The following OPA1 variants were observed in gnomAD, a reference collection of about 807,000 sequenced individuals.
OPA1 encodes OPA1 mitochondrial dynamin like GTPase, also known as dynamin-like GTPase OPA1, mitochondrial.
A neutral mutation model predicts 152.9 loss-of-function variants in OPA1; 59 were observed. That is an observed-to-expected ratio of 0.39 (90% CI 0.31 to 0.48). The LOEUF (loss-of-function observed/expected upper bound fraction) is 0.48, where lower values mean the gene tolerates loss of function less well. Ranked by LOEUF, OPA1 falls within the 20% of genes least tolerant of loss-of-function variation. OPA1 has a pLI of 0.96. For synonymous variants in OPA1, 400 were observed against 389.9 expected (o/e 1.03, Z -0.31); for missense variants, 1,008 against 1,216.8 (o/e 0.83, Z 2.55).
At position 193,643,052 on chromosome 3, in the gene OPA1, A is replaced by G. The variant is rs1734018739; in HGVS notation, c.1305+3A>G. 1.2e-6 allele frequency: 2 copies of G among 1,608,550 alleles called. No homozygotes were observed. Among genetic ancestry groups the G allele is most frequent in the Non-Finnish European group, 1.7e-6 (2 of 1,175,050 alleles). On this transcript the variant is annotated splice_donor_region_variant and intron_variant, in intron 13 of 30. Coordinates refer to ENST00000361510, the MANE Select transcript of OPA1 (RefSeq NM_130837.3). ...AAGGCTGTACCGTTAGCCCTGAGGTAAGGGTTGCAATTCATTTCAGTGACG... is the reference window on the plus strand; with the variant it reads ...AAGGCTGTACCGTTAGCCCTGAGGTGAGGGTTGCAATTCATTTCAGTGACG...
intron 1 of OPA1, among the ~76,000 whole-genome samples, chr3:193,595,316 A>G (rs1229494661): frequency 6.6e-6 from 1 of 152,250 alleles, no homozygotes; most frequent in African/African-American, 2.4e-5. Context: ...CAATACTAAC[A>G]TTTGGGTGCA....
In OPA1 at chr3:193,657,176, G is replaced by A. The variant is rs1285173467; in HGVS notation, c.2275G>A (p.Val759Ile). The A allele has an allele frequency of 4.3e-6, 7 of 1,613,804 alleles. No homozygotes were observed. The highest frequency in any genetic ancestry group is 2.7e-5 in the African/African-American group (2 of 74,916). The change falls in exon 23 of 31, where the codon GTT becomes ATT. Residue 759 changes from valine to isoleucine, a missense_variant. Physicochemically the swap from Val to Ile is conservative, Grantham distance 29. Transcript: ENST00000361510. ...CATATTTGATAAACTTAAAGAGGCT[G>A]TTAAGGAAGAAAGTATTAAACGACA... ...DDIFDKLKEA[V>I]KEESIKRHKW...
intron 1 of OPA1, among the ~76,000 whole-genome samples, chr3:193,595,136 T>C (rs981983493): frequency 6.6e-6 from 1 of 152,206 alleles, no homozygotes; most frequent in African/African-American, 2.4e-5. Context: ...CCTAAAGAAG[T>C]AGAGATGTGG....
At chr3:193,594,620 T>C (rs949982677) in intron 1 of OPA1, among the ~76,000 whole-genome samples, 1 of 152,184 alleles carries the variant, frequency 6.6e-6, no homozygotes, top group Non-Finnish European at 1.5e-5. Context: ...ACTCCTGACC[T>C]CATGTGATCC....
chr3:193,595,248 A>G (rs1473186115), intron 1 of OPA1, among the ~76,000 whole-genome samples: 2 of 152,264 alleles, frequency 1.3e-5, no homozygotes, highest in African/African-American at 2.4e-5. Flanking sequence ...AGATGAGAGC[A>G]TAAGCATTTC....
intron 21 of OPA1, among the ~76,000 whole-genome samples, chr3:193,653,185 T>C (rs945008822): frequency 6.6e-6 from 1 of 152,216 alleles, no homozygotes; most frequent in Non-Finnish European, 1.5e-5. Flanking sequence ...CTTTGTCCTT[T>C]TGGGCCCCAG....
chr3:193,657,111 C>T lies in OPA1; in HGVS notation c.2210C>T (p.Ser737Phe). Residue 737 changes from serine (S) to phenylalanine (F), a missense_variant, in exon 23 of 31, where the codon TCC becomes TTC. Coordinates refer to ENST00000361510, the MANE Select transcript of OPA1 (RefSeq NM_130837.3). ...TGGGAGACCCTACAAGAAGAATTTT[C>T]CCGCTTTATGACAGAACCGAAAGGG... is the stretch of plus-strand genomic sequence containing the variant. ...VAWETLQEEFSRFMTEPKGKE... is the reference protein window; with the variant it reads ...VAWETLQEEFFRFMTEPKGKE... 2 of 1,613,294 alleles carry T rather than the reference C, an allele frequency of 1.2e-6. No homozygotes were observed. The highest frequency in any genetic ancestry group is 2.2e-5 in the East Asian group (1 of 44,848).
Position 193,695,647 on chromosome 3 carries a change from A to G in OPA1, c.*1047A>G. Reference sequence around the variant, plus strand: ...ATGTGTTTTAAATAAATATTTTTTAATTGGCTAAAGGACATTCAAGCAAAG... The same window carrying G: ...ATGTGTTTTAAATAAATATTTTTTAGTTGGCTAAAGGACATTCAAGCAAAG... On this transcript the variant is annotated 3_prime_UTR_variant, in exon 31 of 31. Transcript: ENST00000361510. 1 of 152,182 alleles carries G rather than the reference A, an allele frequency of 6.6e-6. No homozygotes were observed. The highest frequency in any genetic ancestry group is 1.9e-4 in the East Asian group (1 of 5,200). The allele number at this position is 152,182 out of a possible 1,614,324, so 9.4% of individuals were successfully genotyped here. A position where few individuals can be genotyped will look rare whatever the true frequency, so the allele number is the denominator to read the frequency against.
chr3:193,638,316 A>G (rs997263147), intron 11 of OPA1, among the ~76,000 whole-genome samples: 9 of 152,216 alleles, frequency 5.9e-5, no homozygotes, highest in African/African-American at 1.9e-4. Context: ...TATTCTGAAT[A>G]AGATAAGAGA....
At chr3:193,661,948 T>C (rs1285871801) in intron 25 of OPA1, among the ~76,000 whole-genome samples, 3 of 152,242 alleles carry the variant, frequency 2.0e-5, no homozygotes, top group Non-Finnish European at 4.4e-5. Context: ...CATTTACAAG[T>C]TAATTGTTTG....
At chr3:193,676,778 A>G (rs892809223) in intron 29 of OPA1, among the ~76,000 whole-genome samples, 4 of 152,170 alleles carry the variant, frequency 2.6e-5, no homozygotes, top group African/African-American at 9.7e-5. Context: ...CAGGAGATCC[A>G]GACCATCCTG....
intron 1 of OPA1, among the ~76,000 whole-genome samples, chr3:193,599,156 C>G (rs1726068951): frequency 6.6e-6 from 1 of 152,150 alleles, no homozygotes; most frequent in Non-Finnish European, 1.5e-5. Context: ...TTCTGATTTA[C>G]TTTGACCTAA....
chr3:193,638,843 G>T (rs1475744525), intron 11 of OPA1, among the ~76,000 whole-genome samples: 1 of 152,186 alleles, frequency 6.6e-6, no homozygotes, highest in Non-Finnish European at 1.5e-5. Context: ...TCCAAAGTCA[G>T]TACACTAGAG....
At chr3:193,601,593 G>A (rs1056259129) in intron 1 of OPA1, among the ~76,000 whole-genome samples, 4 of 152,192 alleles carry the variant, frequency 2.6e-5, no homozygotes, top group African/African-American at 9.7e-5. Context: ...GTAGTGTGTT[G>A]TAAGGGTGTA....
chr3:193,597,488 C>T (rs1336186128), intron 1 of OPA1, among the ~76,000 whole-genome samples: 1 of 150,606 alleles, frequency 6.6e-6, no homozygotes, highest in Middle Eastern at 3.4e-3. Context: ...GTTAGGAGTT[C>T]GAGACCAGCC....
At chr3:193,601,711 C>A (rs74351059) in intron 1 of OPA1, among the ~76,000 whole-genome samples, 1 of 152,084 alleles carries the variant, frequency 6.6e-6, no homozygotes, top group Non-Finnish European at 1.5e-5. Context: ...GCACAATATA[C>A]GTTTTGTAGG....
chr3:193,617,365 A>AT (rs1292355781), intron 4 of OPA1, 80 bp downstream of exon 4: 86 of 823,598 alleles, frequency 1.0e-4, no homozygotes, highest in Non-Finnish European at 1.3e-4. Context: ...GTTTATTCCC[A>AT]TTTTTTTAAA....
intron 29 of OPA1, among the ~76,000 whole-genome samples, chr3:193,676,320 A>G (rs986711226): frequency 6.6e-6 from 1 of 152,132 alleles, no homozygotes; most frequent in Non-Finnish European, 1.5e-5. Context: ...GCATCTTTTC[A>G]TGGTAAATCT....
At position 193,695,630 on chromosome 3, in the gene OPA1, TAAA is replaced by T. The variant is rs1722186736; in HGVS notation, c.*1031_*1033del. On this transcript the variant is annotated 3_prime_UTR_variant, in exon 31 of 31. Transcript: ENST00000361510. ...ACCTTCACAACATTTTCATGTGTTT[TAAA>T]TAAATATTTTTTAATTGGCTAAAGG... 6.6e-6 allele frequency: 1 copy of T among 152,248 alleles called. No homozygotes were observed. The highest frequency in any genetic ancestry group is 2.4e-5 in the African/African-American group (1 of 41,468). 9.4% of individuals were successfully genotyped at this position (152,248 alleles called of 1,614,324 possible). A position where few individuals can be genotyped will look rare whatever the true frequency, so the allele number is the denominator to read the frequency against.
Sources: allele counts gnomAD v4.1 joint callset (sites outside exome capture counted in the v4.1 genomes callset), GRCh38; gene constraint gnomAD v4.1.1; transcripts MANE v1.5; gene names NCBI Gene and HGNC (gene_info 2026-07-23, HGNC 2026-07-21).